The following LRRFIP1 variants were observed in gnomAD, a reference collection of about 807,000 sequenced individuals.
LRRFIP1 encodes the protein LRR binding FLII interacting protein 1.
Under a neutral mutation model 104.4 loss-of-function variants are expected in LRRFIP1, and 62 were observed. The observed-to-expected ratio is 0.59, with a 90% confidence interval of 0.48 to 0.73. The LOEUF is 0.73. Among genes scored for constraint, LRRFIP1 ranks in the 30% least tolerant of loss-of-function variants. The probability of loss-of-function intolerance (pLI) is 0.00; values close to 1 mark genes in which losing one functional copy is unlikely to be tolerated. For synonymous variants in LRRFIP1, 300 were observed against 299.0 expected, an observed-to-expected ratio of 1.00 and a Z score of -0.03; for missense variants, 796 against 824.5, an observed-to-expected ratio of 0.97 and a Z score of 0.42.
chr2:237,649,265 C>T lies in LRRFIP1; in HGVS notation c.96+21525C>T, dbSNP rs904569835. Among the ~76,000 whole-genome samples the T allele has an allele frequency of 6.6e-6, 1 of 151,900 alleles. No individual in the cohort carries two copies. Among genetic ancestry groups the T allele is most frequent in the African/African-American group, 2.4e-5 (1 of 41,422 alleles). ...ACACTGTAGGCCGGGCGCGATGGCT[C>T]ACACCTGTAATCCCAGCACTTTGGG... On this transcript the variant is annotated intron_variant, in intron 1 of 23. Coordinates refer to ENST00000308482, the MANE Select transcript of LRRFIP1 (RefSeq NM_001137550.2). This position sits in a 1 kb window ranked among gnomAD's most constrained non-coding sequence, Gnocchi z 4.1.
chr2:237,636,505 T>G (rs543857577), intron 1 of LRRFIP1, among the ~76,000 whole-genome samples: 21 of 152,264 alleles, frequency 1.4e-4, no homozygotes, highest in Non-Finnish European at 2.8e-4. Context: ...GACTCACTAA[T>G]GCAGTACCTT....
At chr2:237,642,722 A>G (rs369120390) in intron 1 of LRRFIP1, among the ~76,000 whole-genome samples, 65 of 150,886 alleles carry the variant, frequency 4.3e-4, no homozygotes, top group African/African-American at 1.5e-3. Flanking sequence ...TTCCAGTTCC[A>G]GGTTCCAGGC....
chr2:237,779,128 C>T (rs983852868), intron 23 of LRRFIP1, among the ~76,000 whole-genome samples: 12 of 151,728 alleles, frequency 7.9e-5, no homozygotes, highest in Non-Finnish European at 1.2e-4. Context: ...GCAGGGGAAT[C>T]GCTTGAACCC....
intron 1 of LRRFIP1, among the ~76,000 whole-genome samples, chr2:237,656,649 T>C (rs757619495): frequency 6.6e-6 from 1 of 152,222 alleles, no homozygotes; most frequent in Non-Finnish European, 1.5e-5. Context: ...TCACGTATGA[T>C]TATTCATAAA....
chr2:237,769,270 T>G (rs1483704855), intron 19 of LRRFIP1: 1 of 152,390 alleles, frequency 6.6e-6, no homozygotes, highest in East Asian at 1.9e-4. Context: ...TCCCCCGCAG[T>G]CTGAAGACTC....
chr2:237,712,008 G>A (rs372360884), intron 2 of LRRFIP1, among the ~76,000 whole-genome samples: 2 of 152,162 alleles, frequency 1.3e-5, no homozygotes, highest in East Asian at 1.9e-4. Flanking sequence ...AAGAGGGATC[G>A]AAAGATCTTA....
chr2:237,690,885 T>C (rs553366133), intron 1 of LRRFIP1, among the ~76,000 whole-genome samples: 4 of 152,292 alleles, frequency 2.6e-5, no homozygotes, highest in African/African-American at 9.6e-5. Context: ...CAAAGACAGC[T>C]TGGCCTCTGT....
chr2:237,666,264 T>C (rs2089224132), intron 1 of LRRFIP1, among the ~76,000 whole-genome samples: 1 of 152,390 alleles, frequency 6.6e-6, no homozygotes, highest in Admixed American at 6.5e-5. Flanking sequence ...AATGGGCGCA[T>C]TGGCAGTCCT....
intron 19 of LRRFIP1, chr2:237,765,464 T>C: frequency 1.1e-6 from 1 of 929,820 alleles, no homozygotes; most frequent in Non-Finnish European, 1.3e-6. Flanking sequence ...AAAAAAAGTT[T>C]TTGAACCTTA....
intron 1 of LRRFIP1, among the ~76,000 whole-genome samples, chr2:237,666,740 G>GTTCTTTCA (rs148788618): frequency 0.65 from 97,045 of 149,784 alleles, 32,073 homozygotes; most frequent in Middle Eastern, 0.76. Context: ...TTGTTCTTTC[G>GTTCTTTCA]TTCTTTCATT....
rs768419354 is a variant in LRRFIP1 at position 237,763,633 on chromosome 2, A to C, written c.1459+3428A>C. On this transcript the variant is annotated intron_variant, in intron 19 of 23. Transcript: ENST00000308482. ...AGAAAATTGCAGCAGAAAGCAGTGA[A>C]AATGTTGATTGTCCGGAGAATCCTA... is the stretch of plus-strand genomic sequence containing the variant. The C allele has an allele frequency of 1.9e-6, 3 of 1,614,058 alleles. No individual in the cohort carries two copies. The highest frequency in any genetic ancestry group is 2.5e-6 in the Non-Finnish European group (3 of 1,179,926).
intron 1 of LRRFIP1, among the ~76,000 whole-genome samples, chr2:237,635,622 G>A (rs900255149): frequency 4.6e-5 from 7 of 152,172 alleles, no homozygotes; most frequent in African/African-American, 1.7e-4. Flanking sequence ...AAGAGTTCAA[G>A]TCCAGCTTGG....
chr2:237,644,211 G>A (rs753089624), intron 1 of LRRFIP1, among the ~76,000 whole-genome samples: 3 of 152,198 alleles, frequency 2.0e-5, no homozygotes, highest in Admixed American at 6.5e-5. Flanking sequence ...GCACACTGCC[G>A]GCGCGATGAG....
At chr2:237,633,907 C>G (rs1224168627) in intron 1 of LRRFIP1, among the ~76,000 whole-genome samples, 1 of 152,216 alleles carries the variant, frequency 6.6e-6, no homozygotes, top group Admixed American at 6.5e-5. Context: ...CCCCACTGAC[C>G]TGTGAACCAC....
At chr2:237,699,346 C>CT (rs575247425) in intron 1 of LRRFIP1, among the ~76,000 whole-genome samples, 6,074 of 138,792 alleles carry the variant, frequency 0.044, 333 homozygotes, top group African/African-American at 0.14. Flanking sequence ...TTTTTCTTTT[C>CT]TTTTTTTTTT....
At chr2:237,762,612 G>A in intron 19 of LRRFIP1, 1 of 1,603,710 alleles carries the variant, frequency 6.2e-7, no homozygotes. Flanking sequence ...GGAAGAGCCA[G>A]TGAAGTGGAG....
chr2:237,670,784 T>G (rs1433609983), intron 1 of LRRFIP1, among the ~76,000 whole-genome samples: 1 of 152,240 alleles, frequency 6.6e-6, no homozygotes, highest in Admixed American at 6.5e-5. Context: ...AGTTTCTGCG[T>G]CTAAGCTAGA....
intron 18 of LRRFIP1, 130 bp from the exon 19 acceptor site, chr2:237,759,934 T>C (rs950614283): frequency 3.9e-6 from 3 of 759,736 alleles, no homozygotes; most frequent in South Asian, 3.6e-5. Context: ...CACCCTAGCA[T>C]TTCTCTTGTC....
At chr2:237,721,220 A>C (rs1575813691) in intron 6 of LRRFIP1, 1 of 175,346 alleles carries the variant, frequency 5.7e-6, no homozygotes, top group East Asian at 1.4e-4. Flanking sequence ...CCTCTATTAA[A>C]GTAGCTGTAA....
Sources: allele counts gnomAD v4.1 joint callset (sites outside exome capture counted in the v4.1 genomes callset), GRCh38; gene constraint gnomAD v4.1.1; non-coding constraint Gnocchi (gnomAD v3.1); transcripts MANE v1.5; gene names NCBI Gene and HGNC (gene_info 2026-07-23, HGNC 2026-07-21).